KIAA1217: variants seen among roughly 807,000 people sequenced by gnomAD.
KIAA1217 encodes the protein KIAA1217.
Under a neutral mutation model 163.9 loss-of-function variants are expected in KIAA1217, and 88 were observed. The ratio of observed to expected loss-of-function variants is 0.54; its 90% confidence interval spans 0.45 to 0.64. The LOEUF (loss-of-function observed/expected upper bound fraction) is 0.64, where lower values mean the gene tolerates loss of function less well. KIAA1217 is among the 30% of genes least tolerant of loss of function. The pLI is 0.00. For synonymous variants in KIAA1217, 903 were observed against 923.1 expected, an observed-to-expected ratio of 0.98 and a Z score of 0.39; for missense variants, 2,372 against 2,475.0, an observed-to-expected ratio of 0.96 and a Z score of 0.88.
chr10:24,244,567 T>C (rs946424816), intron 2 of KIAA1217, among the ~76,000 whole-genome samples: 1 of 145,794 alleles, frequency 6.9e-6, no homozygotes, highest in African/African-American at 2.5e-5. Context: ...CTTTCTTTTT[T>C]TTTTTTTTTT....
chr10:23,862,514 C>T (rs1026384511), intron 1 of KIAA1217, among the ~76,000 whole-genome samples: 5 of 151,800 alleles, frequency 3.3e-5, no homozygotes, highest in Admixed American at 6.6e-5. Context: ...TCTTTGGAGC[C>T]GAATGTCTCT....
intron 1 of KIAA1217, among the ~76,000 whole-genome samples, chr10:24,002,651 T>G (rs1240520618): frequency 6.6e-6 from 1 of 152,152 alleles, no homozygotes; most frequent in Non-Finnish European, 1.5e-5. Context: ...CAAATGCTAT[T>G]TTTTAAATTT....
chr10:24,290,604 T>C (rs1043596826), intron 2 of KIAA1217, among the ~76,000 whole-genome samples: 1 of 150,964 alleles, frequency 6.6e-6, no homozygotes, highest in African/African-American at 2.4e-5. Context: ...AACAGATGTC[T>C]CTCTTTTTTT....
intron 3 of KIAA1217, among the ~76,000 whole-genome samples, chr10:24,429,440 G>A (rs1270994632): frequency 1.3e-5 from 2 of 152,064 alleles, no homozygotes; most frequent in African/African-American, 4.8e-5. Flanking sequence ...CTCCATTACT[G>A]GGGATCTGGG....
rs150597388 is a variant in KIAA1217, at chr10:24,368,414, C to T, written c.355-12455C>T. Among the ~76,000 whole-genome samples, 793 of 151,964 alleles carry T rather than the reference C, an allele frequency of 5.2e-3. 8 individuals are homozygous for T. The highest frequency in any genetic ancestry group is 0.018 in the African/African-American group (731 of 41,478). ...TCCCTCCCGCTATTCTTTTTTTCTT[C>T]TGCTTGAAACAAATAAATCTTCAGT... On this transcript the variant is annotated intron_variant, in intron 2 of 20. Coordinates refer to ENST00000376454, the MANE Select transcript of KIAA1217 (RefSeq NM_019590.5).
chr10:24,070,982 T>C (rs760024433), intron 2 of KIAA1217, among the ~76,000 whole-genome samples: 18 of 152,282 alleles, frequency 1.2e-4, no homozygotes, highest in South Asian at 8.3e-4. Context: ...TCTACAATTA[T>C]CATTTTTTGA....
chr10:23,994,804 G>A (rs1846392037), intron 1 of KIAA1217, among the ~76,000 whole-genome samples: 1 of 152,172 alleles, frequency 6.6e-6, no homozygotes, highest in South Asian at 2.1e-4. Flanking sequence ...AACTTTTAGT[G>A]AATATGGAAG....
At chr10:23,871,045 C>T (rs1176902274) in intron 1 of KIAA1217, among the ~76,000 whole-genome samples, 1 of 150,494 alleles carries the variant, frequency 6.6e-6, no homozygotes, top group Admixed American at 6.6e-5. Context: ...AAGCTGCATA[C>T]TTTCCTCCGT....
intron 2 of KIAA1217, among the ~76,000 whole-genome samples, chr10:24,111,113 C>T (rs1303125612): frequency 4.6e-5 from 7 of 152,132 alleles, no homozygotes; most frequent in Non-Finnish European, 1.0e-4. Context: ...AAATACAATT[C>T]TTATACATTA....
intron 1 of KIAA1217, among the ~76,000 whole-genome samples, chr10:23,830,933 C>G (rs1838162791): frequency 6.6e-6 from 1 of 151,854 alleles, no homozygotes; most frequent in Non-Finnish European, 1.5e-5. Flanking sequence ...CTAGAAGTCT[C>G]TCCAAATGCC....
At chr10:24,208,634 A>G (rs1160395696), upstream of KIAA1217, among the ~76,000 whole-genome samples, 1 of 151,554 alleles carries the variant, frequency 6.6e-6, no homozygotes, top group Admixed American at 6.6e-5. Flanking sequence ...GAGTTCACTG[A>G]AATTTGGGAG....
intron 11 of KIAA1217, among the ~76,000 whole-genome samples, chr10:24,520,651 A>AATATATATATATATATATAT (rs71472811): frequency 5.0e-5 from 2 of 39,652 alleles, no homozygotes; most frequent in Non-Finnish European, 9.7e-5. Context: ...AAAAAAAAAA[A>AATATATATATATATATATAT]ATATATATAT....
At chr10:24,319,545 TAATCTATACA>T (rs1304917802) in intron 2 of KIAA1217, among the ~76,000 whole-genome samples, 1 of 152,082 alleles carries the variant, frequency 6.6e-6, no homozygotes, top group Non-Finnish European at 1.5e-5. Context: ...GTCAGAAAAA[TAATCTATACA>T]GCTTGCATGG....
At position 23,749,132 on chromosome 10, in the gene KIAA1217, T is replaced by C. The variant is rs532166732; in HGVS notation, c.-321+53898T>C. 3.3e-5 allele frequency among the ~76,000 whole-genome samples: 5 copies of C among 151,484 alleles called. No homozygotes were observed. In the South Asian group the frequency reaches 1.0e-3, roughly 32 times the overall value. ...CCACTGACTTCAATTCCTCACCACG[T>C]AGACACATCCTGATTCAATCCAATC... On this transcript the variant is annotated intron_variant, in intron 1 of 18. Coordinates refer to the KIAA1217 transcript ENST00000376462.
intron 10 of KIAA1217, among the ~76,000 whole-genome samples, chr10:24,513,939 C>T (rs2069618458): frequency 6.6e-6 from 1 of 152,096 alleles, no homozygotes; most frequent in Non-Finnish European, 1.5e-5. Flanking sequence ...GCCAAAATAA[C>T]ACAGCTCTAA....
chr10:23,873,716 C>T (rs1286514806), intron 1 of KIAA1217, among the ~76,000 whole-genome samples: 1 of 151,962 alleles, frequency 6.6e-6, no homozygotes, highest in African/African-American at 2.4e-5. Flanking sequence ...CTCTTTCCCT[C>T]TGTCTCACTC....
At chr10:24,272,287 A>G (rs1451508817) in intron 2 of KIAA1217, among the ~76,000 whole-genome samples, 1 of 152,338 alleles carries the variant, frequency 6.6e-6, no homozygotes, top group East Asian at 1.9e-4. Context: ...ACTAGTAGCT[A>G]GGAGTGCTTG....
intron 2 of KIAA1217, among the ~76,000 whole-genome samples, chr10:24,108,700 G>A (rs2062724244): frequency 6.6e-6 from 1 of 152,160 alleles, no homozygotes; most frequent in African/African-American, 2.4e-5. Context: ...AATGATACTT[G>A]ATAAGTCTAT....
At chr10:23,711,796 A>C (rs1294228851) in intron 1 of KIAA1217, among the ~76,000 whole-genome samples, 1 of 152,174 alleles carries the variant, frequency 6.6e-6, no homozygotes, top group East Asian at 1.9e-4. Context: ...CGAGTGAGAG[A>C]AACAGAAGCT....
Sources: gnomAD v4.1 joint callset for allele counts (sites outside exome capture counted in the v4.1 genomes callset) on GRCh38, gnomAD v4.1.1 for gene constraint, MANE v1.5 for transcripts, NCBI Gene and HGNC (gene_info 2026-07-23, HGNC 2026-07-21) for gene names.